Variants in RNH1 observed in about 807,000 individuals in gnomAD.
RNH1 encodes ribonuclease/angiogenin inhibitor 1.
A neutral mutation model predicts 46.1 loss-of-function variants in RNH1; 38 were observed. The observed-to-expected ratio is 0.82, with a 90% CI of 0.64 to 1.08. The LOEUF (loss-of-function observed/expected upper bound fraction) is 1.08. Ranked by LOEUF, RNH1 falls within the 50% of genes least tolerant of loss-of-function variation. RNH1 has a pLI of 0.00. For synonymous variants in RNH1, 319 were observed against 279.1 expected (o/e 1.14, Z -1.43); for missense variants, 577 against 590.7 (o/e 0.98, Z 0.24).
rs780829296 is a variant in RNH1, at chr11:499,861, G to C, written c.411C>G (p.Leu137=). The change falls in exon 5 of 11, where the codon CTC becomes CTG. Residue 137 remains leucine (L), a synonymous_variant. Coordinates refer to ENST00000354420, the MANE Select transcript of RNH1 (RefSeq NM_203387.3). ...TTTCCAGGCGGCACTGGGGGTCCAG[G>C]AGTCCTTCGCAGAGCAGCTGCAGGC... The part of the protein sequence containing the change: ...DAGLQLLCEG[L]LDPQCRLEKL... 6.2e-7 allele frequency: 1 copy of C among 1,612,182 alleles called. No individual in the cohort carries two copies. The highest frequency in any genetic ancestry group is 1.7e-5 in the Admixed American group (1 of 59,902).
Position 500,661 on chromosome 11 carries a change from G to A in RNH1, c.102-7C>T, listed in dbSNP as rs766394726. ...GAGGCCACAGTCGTCCAGCCTGTGAGCAGACCCCAGGGTCATGTGGACCAC... is the reference window on the plus strand; with the variant it reads ...GAGGCCACAGTCGTCCAGCCTGTGAACAGACCCCAGGGTCATGTGGACCAC... On this transcript the variant is annotated splice_polypyrimidine_tract_variant and splice_region_variant and intron_variant, in intron 3 of 10. Transcript: ENST00000354420. 4.6e-5 allele frequency: 74 copies of A among 1,603,068 alleles called. 1 individual carries two copies. The highest frequency in any genetic ancestry group is 5.8e-5 in the Non-Finnish European group (68 of 1,179,934).
intron 1 of RNH1, chr11:506,859 G>A (rs549942532): frequency 2.8e-4 from 42 of 152,372 alleles, no homozygotes; most frequent in African/African-American, 9.6e-4. Flanking sequence ...AGCCCCAAAG[G>A]GGAGCGTGCA....
chr11:500,368 C>T, intron 4 of RNH1, 116 bp downstream of exon 4: 1 of 1,212,926 alleles, frequency 8.2e-7, no homozygotes, highest in East Asian at 2.5e-5. Flanking sequence ...GAAATGTCTG[C>T]TGCCACTGCC....
chr11:499,224 C>T lies in RNH1; in HGVS notation c.444-39G>A, dbSNP rs1277820063. On this transcript the variant is annotated intron_variant, in intron 5 of 10. Transcript: ENST00000354420. The stretch of plus-strand genomic sequence containing the variant: ...GAGCTCAGCACCACACAGGAATGTG[C>T]ACCAGCCAAGGGTGTGATACCAGGG... The T allele has an allele frequency of 3.1e-6, 5 of 1,604,688 alleles. No individual in the cohort carries two copies. The South Asian group carries it at 5.5e-5, about 18-fold the overall frequency.
chr11:494,930 C>A lies in RNH1; in HGVS notation c.1251G>T (p.Gln417His). The change falls in exon 10 of 11, where the codon CAG (glutamine) becomes CAT (histidine). Residue 417 changes from glutamine to histidine, a missense_variant. Physicochemically the swap from Gln to His is conservative, Grantham distance 24. Coordinates refer to ENST00000354420, the MANE Select transcript of RNH1 (RefSeq NM_203387.3). ...NNCLGDAGIL[Q>H]LVESVRQPGC... ...CCGGCTGCCGGACGCTCTCCACCAG[C>A]TGCAGGATGCCGGCGTCCCCCAGGC... The A allele has an allele frequency of 6.2e-7, 1 of 1,610,638 alleles. No homozygotes were observed. Among genetic ancestry groups the A allele is most frequent in the Non-Finnish European group, 8.5e-7 (1 of 1,178,816 alleles).
chr11:495,441 G>C (rs189751283), intron 9 of RNH1, among the ~76,000 whole-genome samples: 1 of 152,194 alleles, frequency 6.6e-6, no homozygotes, highest in Non-Finnish European at 1.5e-5. Flanking sequence ...GGTATGGAGG[G>C]TACCAAGACA....
chr11:501,958 T>C lies in RNH1; in HGVS notation c.101+104A>G, dbSNP rs190559764. On this transcript the variant is annotated intron_variant, in intron 3 of 10. Transcript: ENST00000354420. This position sits in a 1 kb window ranked among gnomAD's most constrained non-coding sequence, Gnocchi z 4.1. ...GTAGCTGCACAGAATTCATACTTCATGTCCACAAACAAGGCGTTCCAGAGC... is the reference window on the plus strand; with the variant it reads ...GTAGCTGCACAGAATTCATACTTCACGTCCACAAACAAGGCGTTCCAGAGC... The C allele has an allele frequency of 5.9e-5, 41 of 697,236 alleles. 1 individual carries two copies. The highest frequency in any genetic ancestry group is 6.4e-4 in the Middle Eastern group (2 of 3,116). The allele number at this position is 697,236 out of a possible 1,614,324, so 43.2% of individuals were successfully genotyped here.
Position 498,948 on chromosome 11 carries a change from C to A in RNH1, c.615-15G>T. 6.2e-7 allele frequency: 1 copy of A among 1,611,930 alleles called. No individual in the cohort carries two copies. The highest frequency in any genetic ancestry group is 8.5e-7 in the Non-Finnish European group (1 of 1,179,432). ...AGCTCTCCAGCCTGGGGACACGGGTCACACGTGAGGCAGCACGGGACCCCC... is the reference window on the plus strand; with the variant it reads ...AGCTCTCCAGCCTGGGGACACGGGTAACACGTGAGGCAGCACGGGACCCCC... On this transcript the variant is annotated splice_polypyrimidine_tract_variant and intron_variant, in intron 6 of 10. Transcript: ENST00000354420.
At position 494,584 on chromosome 11, in the gene RNH1, T is replaced by C; in HGVS notation, c.*107A>G. On this transcript the variant is annotated 3_prime_UTR_variant, in exon 11 of 11. Transcript: ENST00000354420. The stretch of plus-strand genomic sequence containing the variant: ...TGGCAGAAATAAGCGGATCTGAGCG[T>C]TTCTCTTCAAACCTAGGATATGCAG... The C allele has an allele frequency of 1.1e-6, 1 of 946,274 alleles. No homozygotes were observed. Among genetic ancestry groups the C allele is most frequent in the Non-Finnish European group, 1.7e-6 (1 of 598,474 alleles). 58.6% of individuals were successfully genotyped at this position (946,274 alleles called of 1,614,324 possible).
At position 497,868 on chromosome 11, in the gene RNH1, G is replaced by A. The variant is rs537630484; in HGVS notation, c.1127+103C>T. 176 of 1,392,384 alleles carry A rather than the reference G, an allele frequency of 1.3e-4. No homozygotes were observed. The South Asian group carries it at 2.0e-3, about 16-fold the overall frequency. The allele number at this position is 1,392,384 out of a possible 1,614,324, so 86.3% of individuals were successfully genotyped here. A position where few individuals can be genotyped will look rare whatever the true frequency, so the allele number is the denominator to read the frequency against. On this transcript the variant is annotated intron_variant, in intron 9 of 10. Coordinates refer to ENST00000354420, the MANE Select transcript of RNH1 (RefSeq NM_203387.3). ...CACCCATGTGTGCTCACATACACAC[G>A]GACACTCGTGCTCACACAGATACTC... is the stretch of plus-strand genomic sequence containing the variant.
In RNH1 at chr11:498,592, C is replaced by T. The variant is rs377703417; in HGVS notation, c.821G>A (p.Gly274Glu). The stretch of plus-strand genomic sequence containing the variant: ...GGCCCTGAGGACACGGCACAGATCC[C>T]CGCAGCCCTTGGCAGTGATGCCACA... The part of the protein sequence containing the change: ...WECGITAKGC[G>E]DLCRVLRAKE... The change falls in exon 8 of 11, where the codon GGG becomes GAG. Residue 274 changes from glycine (G) to glutamate (E), a missense_variant. Physicochemically the swap from Gly to Glu is moderately conservative, Grantham distance 98. Coordinates refer to ENST00000354420, the MANE Select transcript of RNH1 (RefSeq NM_203387.3). The T allele has an allele frequency of 1.9e-5, 31 of 1,612,814 alleles. No individual in the cohort carries two copies. In the African/African-American group the frequency reaches 2.3e-4, roughly 12 times the overall value.
At position 494,942 on chromosome 11, in the gene RNH1, G is replaced by A. The variant is rs7983; in HGVS notation, c.1239C>T (p.Ala413=). The A allele has an allele frequency of 2.5e-6, 4 of 1,607,364 alleles. No homozygotes were observed. Among genetic ancestry groups the A allele is most frequent in the East Asian group, 4.5e-5 (2 of 44,660 alleles). The change falls in exon 10 of 11, where the codon GCC becomes GCT. Residue 413 remains alanine (A), a synonymous_variant. Coordinates refer to ENST00000354420, the MANE Select transcript of RNH1 (RefSeq NM_203387.3). ...LDLSNNCLGD[A]GILQLVESVR... ...CGCTCTCCACCAGCTGCAGGATGCC[G>A]GCGTCCCCCAGGCAGTTGTTGCTGA...
In RNH1 at chr11:502,223, C is replaced by T. The variant is rs769245448; in HGVS notation, c.-61G>A. ...GGGAAGAGGACGTCTTGGCCGAATC[C>T]CCTCACAGTTTCACAGGCCGGAGAT... On this transcript the variant is annotated 5_prime_UTR_variant, in exon 3 of 11. Transcript: ENST00000354420. This position sits in a 1 kb window ranked among gnomAD's most constrained non-coding sequence, Gnocchi z 5.8. The T allele has an allele frequency of 1.2e-4, 165 of 1,326,096 alleles. No homozygotes were observed. Among genetic ancestry groups the T allele is most frequent in the Middle Eastern group, 1.8e-4 (1 of 5,610 alleles). The allele number at this position is 1,326,096 out of a possible 1,614,324, so 82.1% of individuals were successfully genotyped here. A position where few individuals can be genotyped will look rare whatever the true frequency, so the allele number is the denominator to read the frequency against.
At chr11:497,109 ACGTGCTCACTCGCCCATGTGCT>A (rs1849159844) in intron 9 of RNH1, among the ~76,000 whole-genome samples, 1 of 134,970 alleles carries the variant, frequency 7.4e-6, no homozygotes, top group Non-Finnish European at 1.6e-5. Flanking sequence ...TGCCACACTC[ACGTGCTCACTCGCCCATGTGCT>A]CACACTCACA....
At position 501,145 on chromosome 11, in the gene RNH1, A is replaced by C; in HGVS notation, c.102-491T>G. 3.4e-6 allele frequency: 1 copy of C among 292,194 alleles called. No homozygotes were observed. The highest frequency in any genetic ancestry group is 6.7e-6 in the Non-Finnish European group (1 of 149,050). The allele number at this position is 292,194 out of a possible 1,614,324, so 18.1% of individuals were successfully genotyped here. A position where few individuals can be genotyped will look rare whatever the true frequency, so the allele number is the denominator to read the frequency against. On this transcript the variant is annotated intron_variant, in intron 3 of 10. Coordinates refer to ENST00000354420, the MANE Select transcript of RNH1 (RefSeq NM_203387.3). The surrounding 1 kb of genome is among the most constrained non-coding windows in gnomAD (Gnocchi z 4.1). ...TCTAAAAATAAAAAGAATTTAAAGT[A>C]TCTCTCGAAGGCACTGATCAGTCAC...
In RNH1 at chr11:499,816, G is replaced by A; in HGVS notation, c.443+13C>T. 6.2e-7 allele frequency: 1 copy of A among 1,601,926 alleles called. No individual in the cohort carries two copies. Among genetic ancestry groups the A allele is most frequent in the Non-Finnish European group, 8.5e-7 (1 of 1,173,674 alleles). ...GCGGCCAGCATGGGCCCTGGGGCAG[G>A]ACACAAACTCACTGCAGCTTTTCCA... On this transcript the variant is annotated intron_variant, in intron 5 of 10. Coordinates refer to ENST00000354420, the MANE Select transcript of RNH1 (RefSeq NM_203387.3).
intron 1 of RNH1, chr11:506,210 G>A (rs982416776): frequency 2.0e-5 from 3 of 152,180 alleles, no homozygotes; most frequent in African/African-American, 4.8e-5. Context: ...TCAGCCAATC[G>A]CTAAGACGAC....
At chr11:498,220 C>A (rs1023321090) in intron 8 of RNH1, 79 bp from the exon 9 acceptor site, 6 of 1,469,764 alleles carry the variant, frequency 4.1e-6, no homozygotes, top group African/African-American at 1.4e-5. Flanking sequence ...CCCTGAAGGC[C>A]CCACGTGGAC....
chr11:494,533 A>ATGAT lies in RNH1; in HGVS notation c.*154_*157dup. 1.4e-6 allele frequency: 1 copy of ATGAT among 700,614 alleles called. No individual in the cohort carries two copies. Among genetic ancestry groups the ATGAT allele is most frequent in the African/African-American group, 1.8e-5 (1 of 56,214 alleles). The allele number at this position is 700,614 out of a possible 1,614,324, so 43.4% of individuals were successfully genotyped here. ...CCTCTCCTGCCAAGAAAGTGCTTTA[A>ATGAT]TGATTATAAAGTGTCCAAAATATAC... On this transcript the variant is annotated 3_prime_UTR_variant, in exon 11 of 11. Transcript: ENST00000354420.
Sources: gnomAD v4.1 joint callset for allele counts (sites outside exome capture counted in the v4.1 genomes callset) on GRCh38, gnomAD v4.1.1 for gene constraint, Gnocchi (gnomAD v3.1) non-coding constraint, MANE v1.5 for transcripts, NCBI Gene and HGNC (gene_info 2026-07-23, HGNC 2026-07-21) for gene names.